The following SCML2 variants were observed in gnomAD, a reference collection of about 807,000 sequenced individuals.
SCML2 encodes Scm polycomb group protein like 2, also known as sex comb on midleg-like protein 2.
Under a neutral mutation model 48.4 loss-of-function variants are expected in SCML2, and 6 were observed. That is an observed-to-expected ratio of 0.12 (90% CI 0.07 to 0.24). The LOEUF (loss-of-function observed/expected upper bound fraction) is 0.24, where lower values mean the gene tolerates loss of function less well. Among genes scored for constraint, SCML2 ranks in the 10% least tolerant of loss-of-function variants. The pLI, the probability that SCML2 is intolerant of heterozygous loss-of-function variation, is 1.00. For missense variants in SCML2, 377 were observed against 528.2 expected (o/e 0.71, Z 2.81); for synonymous variants, 181 against 189.5 (o/e 0.95, Z 0.37).
At chrX:18,344,282 T>C (rs1035104707) in intron 1 of SCML2, among the ~76,000 whole-genome samples, 1 of 112,540 alleles carries the variant, frequency 8.9e-6, no homozygotes, top group African/African-American at 3.2e-5. Flanking sequence ...TCAATCTTTC[T>C]GAATTAGAAG....
chrX:18,324,282 A>G (rs999071373), intron 4 of SCML2, among the ~76,000 whole-genome samples, 189 bp from the exon 5 acceptor site: 4 of 111,105 alleles, frequency 3.6e-5, no homozygotes, highest in Non-Finnish European at 5.7e-5. Flanking sequence ...TGCAGCATAA[A>G]AACACTACCC....
intron 7 of SCML2, among the ~76,000 whole-genome samples, chrX:18,275,642 C>T (rs969591017): frequency 1.8e-5 from 2 of 112,460 alleles, no homozygotes; most frequent in South Asian, 3.7e-4. Context: ...ATATAATGTG[C>T]ATCCAATAAA....
chrX:18,311,916 G>A (rs1243153943), intron 6 of SCML2, among the ~76,000 whole-genome samples: 5 of 111,346 alleles, frequency 4.5e-5, no homozygotes, highest in African/African-American at 1.3e-4. Context: ...TCAGCCACCC[G>A]AGTAGCTGGG....
At chrX:18,339,471 G>T (rs751399368) in intron 1 of SCML2, among the ~76,000 whole-genome samples, 1 of 112,314 alleles carries the variant, frequency 8.9e-6, no homozygotes, top group South Asian at 3.7e-4. Context: ...ACTTTAGGAG[G>T]TCAAAGTAGG....
chrX:18,326,890 T>C (rs1248193604), intron 3 of SCML2, among the ~76,000 whole-genome samples: 1 of 111,105 alleles, frequency 9.0e-6, no homozygotes, highest in Non-Finnish European at 1.9e-5. Flanking sequence ...ACTCAATAAA[T>C]GGCACGTTAT....
chrX:18,319,157 A>G (rs1929224402), intron 6 of SCML2, among the ~76,000 whole-genome samples: 1 of 111,845 alleles, frequency 8.9e-6, no homozygotes, highest in African/African-American at 3.3e-5. Context: ...CTGGGAGGCC[A>G]AGGCTGGCAG....
At chrX:18,285,879 A>T (rs1228668572) in intron 7 of SCML2, among the ~76,000 whole-genome samples, 1 of 111,527 alleles carries the variant, frequency 9.0e-6, no homozygotes, top group Non-Finnish European at 1.9e-5. Flanking sequence ...CAATCGGACC[A>T]CATTTTAAGT....
chrX:18,307,695 G>A (rs1309720322), intron 6 of SCML2, among the ~76,000 whole-genome samples: 1 of 111,735 alleles, frequency 8.9e-6, no homozygotes, highest in African/African-American at 3.3e-5. Flanking sequence ...TGTAACCTAG[G>A]CCAGGCATGG....
At chrX:18,249,858 A>G (rs1354478491) in intron 11 of SCML2, among the ~76,000 whole-genome samples, 1 of 110,995 alleles carries the variant, frequency 9.0e-6, no homozygotes, top group Middle Eastern at 4.2e-3. Context: ...CACACAGAAA[A>G]TCCCTTGGCC....
chrX:18,276,257 G>A (rs766842103), intron 7 of SCML2, among the ~76,000 whole-genome samples: 2 of 106,406 alleles, frequency 1.9e-5, no homozygotes, highest in African/African-American at 6.9e-5. Flanking sequence ...TTGCACGACT[G>A]CACTCCAGCC....
intron 7 of SCML2, among the ~76,000 whole-genome samples, chrX:18,291,659 G>A (rs1226845246): frequency 9.0e-6 from 1 of 110,657 alleles, no homozygotes; most frequent in Non-Finnish European, 1.9e-5. Context: ...AAAATATTTT[G>A]GAAAAGCTGT....
intron 6 of SCML2, among the ~76,000 whole-genome samples, chrX:18,307,656 G>A (rs1928799675): frequency 9.0e-6 from 1 of 111,670 alleles, no homozygotes; most frequent in Middle Eastern, 4.6e-3. Context: ...AATAAGCAAT[G>A]CAATAGAACT....
In SCML2 at chrX:18,344,176, A is replaced by T. The variant is rs185693373; in HGVS notation, c.-24-10081T>A. ...TAGTGAGACCCTGTCTCTAAAAAAAAAATAATAAAATAATAAATACATAAA... is the reference window on the plus strand; with the variant it reads ...TAGTGAGACCCTGTCTCTAAAAAAATAATAATAAAATAATAAATACATAAA... On this transcript the variant is annotated intron_variant, in intron 1 of 14. Coordinates refer to ENST00000251900, the MANE Select transcript of SCML2 (RefSeq NM_006089.3). Among the ~76,000 whole-genome samples, 409 of 110,202 alleles carry T rather than the reference A, an allele frequency of 3.7e-3. 2 individuals are homozygous for T. Among genetic ancestry groups the T allele is most frequent in the African/African-American group, 0.011 (334 of 30,479 alleles).
chrX:18,268,770 T>TA (rs1240239787), intron 7 of SCML2, among the ~76,000 whole-genome samples: 394 of 100,271 alleles, frequency 3.9e-3, no homozygotes, highest in African/African-American at 0.012. Context: ...AGTATAATAA[T>TA]AAAAAAAAAA....
intron 7 of SCML2, among the ~76,000 whole-genome samples, chrX:18,280,987 C>T (rs1197344396): frequency 3.5e-5 from 4 of 112,884 alleles, no homozygotes; most frequent in East Asian, 2.8e-4. Context: ...AAACTCAACA[C>T]TTGACCAACT....
chrX:18,261,759 C>T lies in SCML2; in HGVS notation c.949-1468G>A, dbSNP rs752845068. Among the ~76,000 whole-genome samples, 51 of 109,451 alleles carry T rather than the reference C, an allele frequency of 4.7e-4. No individual in the cohort carries two copies. In the Middle Eastern group the frequency reaches 0.019, roughly 40 times the overall value. ...TTTTCACCATTATACCAACTAATCA[C>T]AAAGACATTTCAGAAGCTGGAAAAT... On this transcript the variant is annotated intron_variant, in intron 8 of 14. Coordinates refer to ENST00000251900, the MANE Select transcript of SCML2 (RefSeq NM_006089.3).
In SCML2 at chrX:18,310,328, C is replaced by T. The variant is rs188332049; in HGVS notation, c.487-5113G>A. Among the ~76,000 whole-genome samples, 314 of 94,634 alleles carry T rather than the reference C, an allele frequency of 3.3e-3. 2 individuals are homozygous for T. Among genetic ancestry groups the T allele is most frequent in the African/African-American group, 0.012 (289 of 24,830 alleles). 82.2% of individuals were successfully genotyped at this position (94,634 alleles called of 115,157 possible). Reference sequence around the variant, plus strand: ...TTGCCCAGGCTGGAGTGCAGTGGCACGACCTCGGCTCACTGCAACCTCCAC... The same window carrying T: ...TTGCCCAGGCTGGAGTGCAGTGGCATGACCTCGGCTCACTGCAACCTCCAC... On this transcript the variant is annotated intron_variant, in intron 6 of 14. Coordinates refer to ENST00000251900, the MANE Select transcript of SCML2 (RefSeq NM_006089.3).
intron 7 of SCML2, among the ~76,000 whole-genome samples, chrX:18,267,169 C>CT (rs1927284430): frequency 8.9e-6 from 1 of 111,910 alleles, no homozygotes; most frequent in Non-Finnish European, 1.9e-5. Context: ...ACTCTTGTAT[C>CT]TCCAAGACAA....
In SCML2 at chrX:18,291,082, A is replaced by G. The variant is rs189508559; in HGVS notation, c.730+13890T>C. On this transcript the variant is annotated intron_variant, in intron 7 of 14. Transcript: ENST00000251900. ...TGAAAACGGAAAACGGCAAGATCAA[A>G]TAAGTTTGCAAGAAGAAAATCTACA... Among the ~76,000 whole-genome samples the G allele has an allele frequency of 7.1e-5, 8 of 112,106 alleles. No individual in the cohort carries two copies. The East Asian group carries it at 2.0e-3, about 28-fold the overall frequency.
Sources: allele counts gnomAD v4.1 joint callset (sites outside exome capture counted in the v4.1 genomes callset), GRCh38; gene constraint gnomAD v4.1.1; transcripts MANE v1.5; gene names NCBI Gene and HGNC (gene_info 2026-07-23, HGNC 2026-07-21).